Variants in ATP10B observed in about 807,000 individuals in gnomAD.
ATP10B encodes the protein phospholipid-transporting ATPase VB.
ATP10B carries 122 observed loss-of-function variants against 141.2 expected under a neutral mutation model. The ratio of observed to expected loss-of-function variants is 0.86; its 90% confidence interval spans 0.75 to 1.00. The LOEUF is 1.00. Among genes scored for constraint, ATP10B ranks in the 50% least tolerant of loss-of-function variants. The probability of loss-of-function intolerance (pLI) is 0.00; values close to 1 mark genes in which losing one functional copy is unlikely to be tolerated. For missense variants in ATP10B, 1,876 were observed against 1,825.3 expected, an observed-to-expected ratio of 1.03 and a Z score of -0.51; for synonymous variants, 685 against 692.0, an observed-to-expected ratio of 0.99 and a Z score of 0.16.
Position 160,610,038 on chromosome 5 carries a change from T to C in ATP10B, c.2838+2703A>G, listed in dbSNP as rs1299995424. Among the ~76,000 whole-genome samples, 6 of 152,224 alleles carry C rather than the reference T, an allele frequency of 3.9e-5. No individual in the cohort carries two copies. In the East Asian group the frequency reaches 1.2e-3, roughly 29 times the overall value. On this transcript the variant is annotated intron_variant, in intron 18 of 25. Transcript: ENST00000327245. Reference sequence around the variant, plus strand: ...ATTTAGTATACCTCCTATACTGTGGTAGGAACCTCTAATATGGTGGTTCCC... The same window carrying C: ...ATTTAGTATACCTCCTATACTGTGGCAGGAACCTCTAATATGGTGGTTCCC...
At position 160,612,790 on chromosome 5, in the gene ATP10B, C is replaced by T. The variant is rs780232585; in HGVS notation, c.2789G>A (p.Arg930Lys). The change falls in exon 18 of 26, where the codon AGA becomes AAA. Residue 930 changes from arginine (R) to lysine (K), a missense_variant. Arg to Lys is a conservative substitution (Grantham distance 26). Coordinates refer to ENST00000327245, the MANE Select transcript of ATP10B (RefSeq NM_025153.3). Reference protein sequence around the residue: ...ETAVNIAHSCRLLNQTDTVYT... With the variant: ...ETAVNIAHSCKLLNQTDTVYT... Reference sequence around the variant, plus strand: ...AACAGTGTCGGTCTGATTTAACAGTCTGCAGGAATGGGCAATGTTGACCGC... The same window carrying T: ...AACAGTGTCGGTCTGATTTAACAGTTTGCAGGAATGGGCAATGTTGACCGC... 3.7e-6 allele frequency: 6 copies of T among 1,613,958 alleles called. No homozygotes were observed. The African/African-American group carries it at 5.3e-5, about 14-fold the overall frequency.
Position 160,688,055 on chromosome 5 carries a change from G to A in ATP10B, c.20C>T (p.Ser7Leu), listed in dbSNP as rs1166562735. 2 of 1,612,960 alleles carry A rather than the reference G, an allele frequency of 1.2e-6. No individual in the cohort carries two copies. The highest frequency in any genetic ancestry group is 1.7e-6 in the Non-Finnish European group (2 of 1,179,788). Reference protein sequence around the residue: MALSVDSSWHRWQWRVR... With the variant: MALSVDLSWHRWQWRVR... ...TCTCCACTGCCACCGATGCCACGATGAGTCCACTGAGAGGGCCATTTCCAG... is the reference window on the plus strand; with the variant it reads ...TCTCCACTGCCACCGATGCCACGATAAGTCCACTGAGAGGGCCATTTCCAG... Residue 7 changes from serine (S) to leucine (L), a missense_variant, in exon 5 of 26, where the codon TCA (serine) becomes TTA (leucine). Physicochemically the swap from Ser to Leu is moderately radical, Grantham distance 145 (BLOSUM62 -2). Transcript: ENST00000327245.
chr5:160,883,584 T>A, the ATP10B span, among the ~76,000 whole-genome samples: 1 of 152,084 alleles, frequency 6.6e-6, no homozygotes, highest in South Asian at 2.1e-4. Context: ...GTAAACTGAT[T>A]TGGGTGGTAA....
At chr5:160,597,690 A>T (rs535110943) in intron 22 of ATP10B, among the ~76,000 whole-genome samples, 72 of 152,258 alleles carry the variant, frequency 4.7e-4, no homozygotes, top group Non-Finnish European at 9.1e-4. Flanking sequence ...AACTCAAACA[A>T]ATTTACAAGA....
chr5:160,900,006 C>T, the ATP10B span, among the ~76,000 whole-genome samples: 1 of 152,230 alleles, frequency 6.6e-6, no homozygotes, highest in Non-Finnish European at 1.5e-5. Context: ...CAAGAATGCT[C>T]TGGGCAGACG....
chr5:160,582,275 T>G (rs917510027), intron 24 of ATP10B, among the ~76,000 whole-genome samples: 2 of 152,250 alleles, frequency 1.3e-5, no homozygotes, highest in African/African-American at 4.8e-5. Flanking sequence ...GTTTTTGCAG[T>G]GGCTGCTACT....
chr5:160,637,391 CATTG>C (rs1759499629), intron 10 of ATP10B, among the ~76,000 whole-genome samples: 1 of 152,192 alleles, frequency 6.6e-6, no homozygotes, highest in Non-Finnish European at 1.5e-5. Context: ...CTCTGTCTGA[CATTG>C]ATTAATTCAA....
At chr5:160,669,608 CTTTTT>C (rs5872655) in intron 7 of ATP10B, among the ~76,000 whole-genome samples, 41 of 84,960 alleles carry the variant, frequency 4.8e-4, no homozygotes, top group African/African-American at 1.8e-3. Context: ...CAGTCTCTCT[CTTTTT>C]TTTTTTTTTT....
In ATP10B at chr5:160,829,436, CT is replaced by C. The variant is rs373178355; in HGVS notation, c.-576+22504del. 6.0e-3 allele frequency among the ~76,000 whole-genome samples: 918 copies of C among 152,020 alleles called. 13 individuals carry two copies. The highest frequency in any genetic ancestry group is 0.021 in the African/African-American group (874 of 41,500). ...TTTGCTCAGGATTGCTATTTGCACT[CT>C]TTTTTTGGTTTCATATGCGTTTTAG... On this transcript the variant is annotated intron_variant, in intron 1 of 25. Coordinates refer to ENST00000327245, the MANE Select transcript of ATP10B (RefSeq NM_025153.3).
At chr5:160,578,063 AT>A (rs947713745) in intron 24 of ATP10B, among the ~76,000 whole-genome samples, 4 of 152,082 alleles carry the variant, frequency 2.6e-5, no homozygotes, top group African/African-American at 9.7e-5. Flanking sequence ...CCAGTCTGTA[AT>A]TTTTTTAAAG....
chr5:160,894,605 A>T, the ATP10B span, among the ~76,000 whole-genome samples: 3 of 152,180 alleles, frequency 2.0e-5, no homozygotes, highest in Non-Finnish European at 2.9e-5. Flanking sequence ...GATGGGGAGA[A>T]TGGAACCACG....
At chr5:160,745,503 T>G (rs1173453574) in intron 2 of ATP10B, among the ~76,000 whole-genome samples, 3 of 152,234 alleles carry the variant, frequency 2.0e-5, no homozygotes, top group South Asian at 4.1e-4. Context: ...GGCATTTGCA[T>G]TCATCCTCAC....
intron 3 of ATP10B, among the ~76,000 whole-genome samples, chr5:160,706,110 G>A (rs192364983): frequency 2.0e-4 from 31 of 152,090 alleles, no homozygotes; most frequent in Non-Finnish European, 3.1e-4. Context: ...TGTGGTTGGC[G>A]GTGCCCCAAA....
At chr5:160,771,336 C>T (rs977696018) in intron 2 of ATP10B, among the ~76,000 whole-genome samples, 8 of 152,186 alleles carry the variant, frequency 5.3e-5, no homozygotes, top group African/African-American at 1.9e-4. Flanking sequence ...TCTAATAATA[C>T]AGCATCATTA....
intron 2 of ATP10B, among the ~76,000 whole-genome samples, chr5:160,748,138 C>A (rs1028399472): frequency 2.0e-5 from 3 of 151,996 alleles, no homozygotes; most frequent in African/African-American, 4.8e-5. Flanking sequence ...CTGAAACATG[C>A]GGTGTAGATT....
intron 2 of ATP10B, among the ~76,000 whole-genome samples, chr5:160,733,652 C>T (rs1766897636): frequency 7.0e-6 from 1 of 142,132 alleles, no homozygotes. Flanking sequence ...ATGTGTAACA[C>T]ATATATGTAA....
At chr5:160,625,899 C>A (rs746902768) in intron 13 of ATP10B, among the ~76,000 whole-genome samples, 19 of 152,204 alleles carry the variant, frequency 1.2e-4, no homozygotes, top group Non-Finnish European at 2.1e-4. Flanking sequence ...TTTATATATT[C>A]CCATCCAATC....
chr5:160,868,268 T>A, the ATP10B span, among the ~76,000 whole-genome samples: 6 of 152,224 alleles, frequency 3.9e-5, no homozygotes, highest in African/African-American at 1.4e-4. Context: ...CCTGATTAAT[T>A]TGAATATCTC....
intron 8 of ATP10B, among the ~76,000 whole-genome samples, chr5:160,648,081 CT>C: frequency 6.6e-6 from 1 of 152,286 alleles, no homozygotes; most frequent in South Asian, 2.1e-4. Flanking sequence ...CTGGCTTTGT[CT>C]TGTTCCTGCT....
Sources: allele counts gnomAD v4.1 joint callset (sites outside exome capture counted in the v4.1 genomes callset), GRCh38; gene constraint gnomAD v4.1.1; transcripts MANE v1.5; gene names NCBI Gene and HGNC (gene_info 2026-07-23, HGNC 2026-07-21).